TRHDE: variants seen among roughly 807,000 people sequenced by gnomAD.
The protein encoded by TRHDE is thyrotropin-releasing hormone-degrading ectoenzyme.
TRHDE carries 72 observed loss-of-function variants against 125.7 expected under a neutral mutation model. The observed-to-expected ratio is 0.57, with a 90% CI of 0.47 to 0.70. The LOEUF is 0.70. TRHDE is among the 30% of genes least tolerant of loss of function. The pLI is 0.00. For synonymous variants in TRHDE, 509 were observed against 509.1 expected (o/e 1.00, Z 0.00); for missense variants, 1,110 against 1,327.1 (o/e 0.84, Z 2.54).
At chr12:72,258,299 G>GAAAATGTGA (rs1202127146) in intron 2 of TRHDE, 1 of 152,116 alleles carries the variant, frequency 6.6e-6, no homozygotes, top group African/African-American at 2.4e-5. Context: ...TACGTGAAAG[G>GAAAATGTGA]AAAATGTGAA....
At chr12:72,530,542 G>GT (rs1216430795) in intron 6 of TRHDE, among the ~76,000 whole-genome samples, 348 of 110,670 alleles carry the variant, frequency 3.1e-3, no homozygotes, top group African/African-American at 4.5e-3. Flanking sequence ...TATTCTTCAG[G>GT]TTTTTTTTTT....
In TRHDE at chr12:72,272,757, C is replaced by A. The variant is rs527286884; in HGVS notation, c.114C>A (p.Ser38Arg). 5.9e-6 allele frequency: 9 copies of A among 1,528,790 alleles called. No individual in the cohort carries two copies. In the East Asian group the frequency reaches 1.7e-4, roughly 28 times the overall value. 94.7% of individuals were successfully genotyped at this position (1,528,790 alleles called of 1,614,324 possible). The change falls in exon 1 of 19, where the codon AGC (serine) becomes AGA (arginine). Residue 38 changes from serine (S) to arginine (R), a missense_variant. By Grantham distance (110) the Ser-to-Arg change is moderately radical. Around this residue, in one of 5 missense-constraint regions of TRHDE, gnomAD observed 248 missense variants for 240.8 expected, o/e 1.03. Coordinates refer to ENST00000261180, the MANE Select transcript of TRHDE (RefSeq NM_013381.3). This position sits in a 1 kb window ranked among gnomAD's most constrained non-coding sequence, Gnocchi z 6.7. ...AGGAGGAGGAGGGGGCCGAGAAGAG[C>A]AGCTCACCCTTCGCAGCCGCGATGG... The part of the protein sequence containing the change: ...EEEEEEGAEK[S>R]SSPFAAAMGE...
chr12:72,630,696 A>C (rs776329000), intron 15 of TRHDE, among the ~76,000 whole-genome samples: 5 of 151,700 alleles, frequency 3.3e-5, no homozygotes, highest in African/African-American at 4.8e-5. Flanking sequence ...TTTTTACTTA[A>C]GATTTACATT....
chr12:72,458,922 T>A (rs1051265071), intron 3 of TRHDE, among the ~76,000 whole-genome samples: 10 of 152,212 alleles, frequency 6.6e-5, no homozygotes, highest in Admixed American at 4.6e-4. Context: ...ATGATGATAA[T>A]AACTGTATTA....
At chr12:72,328,134 T>A (rs2135716817) in intron 2 of TRHDE, among the ~76,000 whole-genome samples, 1 of 152,318 alleles carries the variant, frequency 6.6e-6, no homozygotes, top group East Asian at 1.9e-4. Flanking sequence ...AATATTCAAA[T>A]CTGAGGCCTG....
chr12:72,442,214 T>A lies in TRHDE; in HGVS notation c.1316-27544T>A, dbSNP rs187615275. On this transcript the variant is annotated intron_variant, in intron 3 of 18. Transcript: ENST00000261180. ...AATGTGATTAAGGCTTTTCACTCAG[T>A]TTAAAGGAAATAATTCTATTTTTAA... is the stretch of plus-strand genomic sequence containing the variant. Among the ~76,000 whole-genome samples, 20 of 151,962 alleles carry A rather than the reference T, an allele frequency of 1.3e-4. No homozygotes were observed. In the East Asian group the frequency reaches 3.7e-3, roughly 28 times the overall value.
chr12:72,120,765 G>A (rs374098725), intron 2 of TRHDE, among the ~76,000 whole-genome samples: 3 of 139,030 alleles, frequency 2.2e-5, no homozygotes, highest in East Asian at 2.3e-4. Context: ...TGCAACCTCC[G>A]CCTCCTGGGT....
intron 2 of TRHDE, among the ~76,000 whole-genome samples, chr12:72,304,333 G>A (rs1470782662): frequency 6.6e-6 from 1 of 152,084 alleles, no homozygotes; most frequent in Non-Finnish European, 1.5e-5. Context: ...ATGAGGAAAG[G>A]AAATACCACC....
chr12:72,242,603 C>T (rs1205111270), intron 2 of TRHDE, among the ~76,000 whole-genome samples: 1 of 152,140 alleles, frequency 6.6e-6, no homozygotes, highest in Non-Finnish European at 1.5e-5. Context: ...TAGTGGGCTG[C>T]TTCTTGAGAT....
At chr12:72,089,152 A>G (rs886675469) in intron 1 of TRHDE, among the ~76,000 whole-genome samples, 1 of 152,106 alleles carries the variant, frequency 6.6e-6, no homozygotes, top group African/African-American at 2.4e-5. Flanking sequence ...CACTACATCC[A>G]CGTGGCTCTA....
chr12:72,456,922 G>GA (rs1322924310), intron 3 of TRHDE, among the ~76,000 whole-genome samples: 4 of 151,840 alleles, frequency 2.6e-5, no homozygotes, highest in East Asian at 1.9e-4. Context: ...AATGGGTTTT[G>GA]AAAAAAATCA....
chr12:72,428,042 G>GA (rs1874266054), intron 3 of TRHDE, among the ~76,000 whole-genome samples: 1 of 151,962 alleles, frequency 6.6e-6, no homozygotes, highest in Non-Finnish European at 1.5e-5. Flanking sequence ...ATAGAACAAA[G>GA]AAAAAATAAA....
intron 3 of TRHDE, among the ~76,000 whole-genome samples, chr12:72,405,184 T>C (rs1811623911): frequency 6.6e-6 from 1 of 152,232 alleles, no homozygotes; most frequent in Non-Finnish European, 1.5e-5. Flanking sequence ...GAATCATGTA[T>C]AGATATATCT....
rs192363465 is a variant in TRHDE at position 72,430,094 on chromosome 12, C to T, written c.1316-39664C>T. 5.6e-3 allele frequency among the ~76,000 whole-genome samples: 842 copies of T among 151,100 alleles called. 4 individuals carry two copies. Among genetic ancestry groups the T allele is most frequent in the African/African-American group, 0.019 (768 of 41,278 alleles). Reference sequence around the variant, plus strand: ...AAAGGTTTTGCCTAACTCAAGGTCACTGTATTTTTGTTCAAGAATTTTATG... The same window carrying T: ...AAAGGTTTTGCCTAACTCAAGGTCATTGTATTTTTGTTCAAGAATTTTATG... On this transcript the variant is annotated intron_variant, in intron 3 of 18. Transcript: ENST00000261180.
intron 3 of TRHDE, among the ~76,000 whole-genome samples, chr12:72,423,996 C>T (rs12296702): frequency 0.099 from 15,033 of 152,158 alleles, 958 homozygotes; most frequent in African/African-American, 0.17. Flanking sequence ...CCTAGAGCTG[C>T]TATAATCAAG....
At chr12:72,472,270 C>T (rs984555173) in intron 4 of TRHDE, among the ~76,000 whole-genome samples, 2 of 152,072 alleles carry the variant, frequency 1.3e-5, no homozygotes, top group South Asian at 2.1e-4. Flanking sequence ...CACTGAATCT[C>T]GTCTTTAGGC....
chr12:72,143,374 A>G lies in TRHDE; in HGVS notation n.279+37622A>G, dbSNP rs75671775. On this transcript the variant is annotated intron_variant and non_coding_transcript_variant, in intron 2 of 4. Coordinates refer to the TRHDE transcript ENST00000548156. Reference sequence around the variant, plus strand: ...GGCAATTAGGAACTGGCCAGATGAGAGGAGTAGGAGGAAGGAGGGAAAGGC... The same window carrying G: ...GGCAATTAGGAACTGGCCAGATGAGGGGAGTAGGAGGAAGGAGGGAAAGGC... Among the ~76,000 whole-genome samples, 104 of 152,234 alleles carry G rather than the reference A, an allele frequency of 6.8e-4. 1 individual carries two copies. The East Asian group carries it at 0.016, about 24-fold the overall frequency.
intron 15 of TRHDE, among the ~76,000 whole-genome samples, chr12:72,632,159 G>A (rs1274010083): frequency 6.6e-5 from 10 of 151,952 alleles, no homozygotes; most frequent in Admixed American, 6.6e-4. Context: ...CAGTGCTTGT[G>A]TATTTGCTAT....
chr12:72,150,576 G>A (rs1312963428), intron 2 of TRHDE, among the ~76,000 whole-genome samples: 1 of 126,744 alleles, frequency 7.9e-6, no homozygotes, highest in Non-Finnish European at 1.6e-5. Flanking sequence ...AGGCTCTGGT[G>A]TTTGATGTTC....
Sources: allele counts gnomAD v4.1 joint callset (sites outside exome capture counted in the v4.1 genomes callset), GRCh38; gene constraint gnomAD v4.1.1; regional missense constraint gnomAD v4.1.1; non-coding constraint Gnocchi (gnomAD v3.1); transcripts MANE v1.5; gene names NCBI Gene and HGNC (gene_info 2026-07-23, HGNC 2026-07-21).